The following NEGR1 variants were observed in gnomAD, a reference collection of about 807,000 sequenced individuals.
The protein encoded by NEGR1 is neuronal growth regulator 1.
Under a neutral mutation model 40.9 loss-of-function variants are expected in NEGR1, and 10 were observed. That is an observed-to-expected ratio of 0.24 (90% CI 0.15 to 0.42). The LOEUF is 0.42. Ranked by LOEUF, NEGR1 falls within the 10% of genes least tolerant of loss-of-function variation. The probability of loss-of-function intolerance (pLI) is 1.00; values close to 1 mark genes in which losing one functional copy is unlikely to be tolerated. For synonymous variants in NEGR1, 185 were observed against 166.8 expected, an observed-to-expected ratio of 1.11 and a Z score of -0.84; for missense variants, 352 against 438.9, an observed-to-expected ratio of 0.80 and a Z score of 1.77.
chr1:71,628,618 T>C (rs1470024337), intron 4 of NEGR1, among the ~76,000 whole-genome samples: 2 of 151,800 alleles, frequency 1.3e-5, no homozygotes, highest in Non-Finnish European at 2.9e-5. Flanking sequence ...CCTTTGTCTA[T>C]GTGTTCTCAT....
At chr1:71,706,615 A>G (rs1653910352) in intron 3 of NEGR1, among the ~76,000 whole-genome samples, 1 of 151,510 alleles carries the variant, frequency 6.6e-6, no homozygotes, top group Admixed American at 6.6e-5. Flanking sequence ...AGAGGAGAAT[A>G]AAGAGTGGAG....
intron 4 of NEGR1, among the ~76,000 whole-genome samples, chr1:71,657,348 C>A (rs1287348989): frequency 6.6e-6 from 1 of 152,152 alleles, no homozygotes; most frequent in Non-Finnish European, 1.5e-5. Context: ...AACATCACTT[C>A]TTTGGGGAAT....
intron 1 of NEGR1, among the ~76,000 whole-genome samples, chr1:72,112,212 C>CG (rs768505168): frequency 2.1e-5 from 3 of 145,538 alleles, no homozygotes; most frequent in Non-Finnish European, 4.5e-5. Context: ...ATTTTCTTCA[C>CG]TTTTTTTTTT....
At chr1:71,603,724 G>GA (rs1203031489) in intron 5 of NEGR1, among the ~76,000 whole-genome samples, 1 of 151,972 alleles carries the variant, frequency 6.6e-6, no homozygotes, top group Non-Finnish European at 1.5e-5. Context: ...TGGAGTGTGA[G>GA]AAAAAAATAA....
chr1:71,970,240 T>C (rs1158226335), intron 1 of NEGR1, among the ~76,000 whole-genome samples: 1 of 151,790 alleles, frequency 6.6e-6, no homozygotes, highest in African/African-American at 2.4e-5. Flanking sequence ...ACCTATTGGG[T>C]GGGGAAAGAG....
At chr1:71,986,754 G>A (rs1045099291) in intron 1 of NEGR1, among the ~76,000 whole-genome samples, 2 of 152,216 alleles carry the variant, frequency 1.3e-5, no homozygotes, top group Non-Finnish European at 2.9e-5. Context: ...TCACCGGACT[G>A]TGTCAGATTT....
At chr1:71,627,896 T>TGA (rs1252146751) in intron 4 of NEGR1, among the ~76,000 whole-genome samples, 1 of 151,998 alleles carries the variant, frequency 6.6e-6, no homozygotes, top group Non-Finnish European at 1.5e-5. Flanking sequence ...GAATATTATG[T>TGA]GAATGAAGAT....
chr1:71,438,074 C>T (rs1321071613), intron 6 of NEGR1, among the ~76,000 whole-genome samples: 1 of 152,152 alleles, frequency 6.6e-6, no homozygotes, highest in Non-Finnish European at 1.5e-5. Flanking sequence ...AACCAGTTAC[C>T]TGCCAAATTA....
intron 4 of NEGR1, among the ~76,000 whole-genome samples, chr1:71,669,392 T>G (rs1004742475): frequency 8.5e-5 from 13 of 152,076 alleles, no homozygotes; most frequent in Non-Finnish European, 1.5e-5. Flanking sequence ...TCTACTTATT[T>G]TGTGTTCCAT....
intron 3 of NEGR1, among the ~76,000 whole-genome samples, chr1:71,759,523 T>G (rs1301957022): frequency 6.7e-6 from 1 of 149,176 alleles, no homozygotes; most frequent in Non-Finnish European, 1.5e-5. Context: ...GGTCTTGATC[T>G]CCTGATCTCG....
At chr1:72,025,640 A>G (rs1014906344) in intron 1 of NEGR1, among the ~76,000 whole-genome samples, 5 of 152,202 alleles carry the variant, frequency 3.3e-5, no homozygotes, top group African/African-American at 1.2e-4. Context: ...TGGAATAGGG[A>G]AAATAAAGCA....
intron 3 of NEGR1, among the ~76,000 whole-genome samples, chr1:71,715,169 A>G (rs1200571354): frequency 2.0e-5 from 3 of 152,156 alleles, no homozygotes; most frequent in Non-Finnish European, 4.4e-5. Context: ...AGCCCCAGCC[A>G]GAGCTATACA....
At chr1:72,119,702 C>A (rs532947949) in intron 1 of NEGR1, among the ~76,000 whole-genome samples, 1 of 152,072 alleles carries the variant, frequency 6.6e-6, no homozygotes, top group South Asian at 2.1e-4. Flanking sequence ...GTTGCCACAG[C>A]TGGCAGGGGG....
chr1:71,987,621 T>C (rs550031588), intron 1 of NEGR1, among the ~76,000 whole-genome samples: 1 of 152,246 alleles, frequency 6.6e-6, no homozygotes, highest in Non-Finnish European at 1.5e-5. Flanking sequence ...TTAGAGCATA[T>C]TGGAGAAGAT....
chr1:71,786,696 G>A (rs1294230657), intron 2 of NEGR1, among the ~76,000 whole-genome samples: 1 of 152,022 alleles, frequency 6.6e-6, no homozygotes, highest in Non-Finnish European at 1.5e-5. Context: ...TTGTGTGGTG[G>A]TTCTATCAAC....
At chr1:71,793,068 T>G (rs1419154496) in intron 2 of NEGR1, among the ~76,000 whole-genome samples, 2 of 150,606 alleles carry the variant, frequency 1.3e-5, no homozygotes, top group East Asian at 4.0e-4. Context: ...TGATCCTCCT[T>G]GCTGTTTCCT....
At chr1:71,976,733 T>A (rs925231848) in intron 1 of NEGR1, among the ~76,000 whole-genome samples, 1 of 152,218 alleles carries the variant, frequency 6.6e-6, no homozygotes, top group Non-Finnish European at 1.5e-5. Flanking sequence ...CACTAAGGTT[T>A]TCGAAGAGAA....
rs75243261 is a variant in NEGR1 at position 72,200,697 on chromosome 1, A to G, written c.176+81622T>C. On this transcript the variant is annotated intron_variant, in intron 1 of 6. Transcript: ENST00000357731. ...AAATATGACATGTAGATTTTCCTTA[A>G]AAATACAATTGGAATTTTAATAAGC... Among the ~76,000 whole-genome samples, 162 of 152,094 alleles carry G rather than the reference A, an allele frequency of 1.1e-3. 9 individuals are homozygous for G. In the East Asian group the frequency reaches 0.029, roughly 27 times the overall value.
At chr1:71,530,148 T>C (rs1434782964) in intron 6 of NEGR1, among the ~76,000 whole-genome samples, 3 of 151,366 alleles carry the variant, frequency 2.0e-5, no homozygotes, top group South Asian at 2.1e-4. Flanking sequence ...TTTTACATTC[T>C]CTTTTTCCAC....
Sources: allele counts gnomAD v4.1 joint callset (sites outside exome capture counted in the v4.1 genomes callset), GRCh38; gene constraint gnomAD v4.1.1; transcripts MANE v1.5; gene names NCBI Gene and HGNC (gene_info 2026-07-23, HGNC 2026-07-21).